The following MILR1 variants were observed in gnomAD, a reference collection of about 807,000 sequenced individuals.
MILR1 encodes mast cell immunoglobulin like receptor 1.
MILR1 carries 31 observed loss-of-function variants against 18.5 expected under a neutral mutation model. The ratio of observed to expected loss-of-function variants is 1.68; its 90% CI spans 1.26 to 2.26. The LOEUF is 2.26. Among genes scored for constraint, MILR1 ranks in the 30% most tolerant of loss-of-function variants. MILR1 has a pLI of 0.00. For missense variants in MILR1, 257 were observed against 157.4 expected (o/e 1.63, Z -3.38); for synonymous variants, 85 against 56.2 (o/e 1.51, Z -2.30).
chr17:64,488,843 C>G, the MILR1 span, among the ~76,000 whole-genome samples: 1 of 152,064 alleles, frequency 6.6e-6, no homozygotes, highest in Admixed American at 6.6e-5. Flanking sequence ...TGGCGCACAC[C>G]TATAGTCCTA....
chr17:64,492,582 T>C, the MILR1 span: 1 of 764,420 alleles, frequency 1.3e-6, no homozygotes, highest in Non-Finnish European at 2.2e-6. Context: ...TCAAATATAA[T>C]TTCTTGTATG....
chr17:64,452,092 T>TG (rs1288255827), intron 2 of MILR1, among the ~76,000 whole-genome samples: 7 of 151,154 alleles, frequency 4.6e-5, no homozygotes, highest in Non-Finnish European at 8.9e-5. Flanking sequence ...GTTTTTTTTT[T>TG]TTTTTGTTCT....
At chr17:64,493,047 T>G in the MILR1 span, 2 of 1,613,192 alleles carry the variant, frequency 1.2e-6, no homozygotes, top group Non-Finnish European at 8.5e-7. Context: ...TCAATCATTG[T>G]ATACATCTAG....
intron 8 of MILR1, 91 bp downstream of exon 8, chr17:64,466,753 A>T: frequency 9.1e-7 from 1 of 1,096,590 alleles, no homozygotes; most frequent in Non-Finnish European, 1.3e-6. Context: ...GGAGCCCGTT[A>T]ATGGGGTGGA....
At chr17:64,486,365 T>TTC in the MILR1 span, among the ~76,000 whole-genome samples, 1 of 148,222 alleles carries the variant, frequency 6.7e-6, no homozygotes, top group Non-Finnish European at 1.5e-5. Flanking sequence ...GTAACACTTT[T>TTC]TTTTTTTTTA....
the MILR1 span, chr17:64,485,485 C>T: frequency 2.0e-6 from 1 of 505,446 alleles, no homozygotes; most frequent in Non-Finnish European, 3.5e-6. Context: ...ATAGAGATAG[C>T]TGTCTGTTCA....
the MILR1 span, chr17:64,481,574 T>TA: frequency 3.6e-6 from 1 of 276,018 alleles, no homozygotes; most frequent in African/African-American, 2.3e-5. Flanking sequence ...CCAAAAGTGT[T>TA]AAGTTCAAAG....
At chr17:64,491,666 G>A in the MILR1 span, 3 of 1,299,200 alleles carry the variant, frequency 2.3e-6, no homozygotes, top group Non-Finnish European at 3.3e-6. Flanking sequence ...ACTACAACAA[G>A]TACATCAACG....
the MILR1 span, among the ~76,000 whole-genome samples, chr17:64,487,673 T>C: frequency 1.3e-5 from 2 of 151,384 alleles, no homozygotes; most frequent in African/African-American, 4.9e-5. Context: ...GTGGTGCGCT[T>C]TGAATCAAAC....
chr17:64,478,950 A>G, the MILR1 span, among the ~76,000 whole-genome samples: 1 of 152,212 alleles, frequency 6.6e-6, no homozygotes, highest in Non-Finnish European at 1.5e-5. Flanking sequence ...CAAAGTGAAT[A>G]AAACATAGTA....
the MILR1 span, among the ~76,000 whole-genome samples, chr17:64,487,973 T>C: frequency 2.3e-4 from 35 of 152,370 alleles, 1 homozygote; most frequent in South Asian, 7.2e-3. Context: ...AATTCTTTTC[T>C]ATCCTAACTG....
At chr17:64,479,204 G>GCCA in the MILR1 span, among the ~76,000 whole-genome samples, 1 of 129,512 alleles carries the variant, frequency 7.7e-6, no homozygotes, top group African/African-American at 3.0e-5. Context: ...TTTTTTTTGA[G>GCCA]AAGGAGTCTC....
the MILR1 span, among the ~76,000 whole-genome samples, chr17:64,474,888 G>A: frequency 3.9e-5 from 6 of 152,046 alleles, no homozygotes; most frequent in African/African-American, 7.2e-5. Flanking sequence ...AGACTAGTAA[G>A]GTGTGTCAAA....
rs1198467527 is a variant in MILR1 at position 64,449,356 on chromosome 17, G to A, written c.97+1G>A. The A allele has an allele frequency of 1.5e-5, 7 of 469,672 alleles. No individual in the cohort carries two copies. Among genetic ancestry groups the A allele is most frequent in the Non-Finnish European group, 2.7e-5 (7 of 256,198 alleles). 29.1% of individuals were successfully genotyped at this position (469,672 alleles called of 1,614,324 possible). ...GATTGTGAGGCAATGAAAACAAATG[G>A]TAAGTTTCATTTACTTCTTTCTTAT... is the stretch of plus-strand genomic sequence containing the variant. On this transcript the variant is annotated splice_donor_variant, in intron 2 of 9. Coordinates refer to ENST00000619286, the MANE Select transcript of MILR1 (RefSeq NM_001085423.2). LOFTEE classifies it high-confidence loss of function.
chr17:64,496,707 G>A, the MILR1 span: 19 of 1,613,926 alleles, frequency 1.2e-5, no homozygotes, highest in Non-Finnish European at 1.5e-5. Context: ...AGAGAATCCC[G>A]GCTAAGCTGC....
the MILR1 span, chr17:64,480,238 A>G: frequency 1.4e-6 from 1 of 690,006 alleles, no homozygotes; most frequent in Non-Finnish European, 2.4e-6. Flanking sequence ...TCATAAACAT[A>G]ATCAAAAACT....
chr17:64,480,080 C>T, the MILR1 span, among the ~76,000 whole-genome samples: 11 of 152,218 alleles, frequency 7.2e-5, no homozygotes, highest in African/African-American at 2.7e-4. Context: ...CTTGGAACTA[C>T]ATACAGCATG....
chr17:64,488,391 T>C, the MILR1 span, among the ~76,000 whole-genome samples: 1 of 152,100 alleles, frequency 6.6e-6, no homozygotes, highest in South Asian at 2.1e-4. Flanking sequence ...TCTTCATTAG[T>C]GAAAATGATA....
downstream of MILR1, among the ~76,000 whole-genome samples, chr17:64,470,167 C>T (rs538252042): frequency 1.4e-4 from 22 of 152,298 alleles, no homozygotes; most frequent in South Asian, 4.6e-3. Flanking sequence ...GATTTCGGCT[C>T]ACTGCAACCT....
Sources: allele counts gnomAD v4.1 joint callset (sites outside exome capture counted in the v4.1 genomes callset), GRCh38; gene constraint gnomAD v4.1.1; transcripts MANE v1.5; gene names NCBI Gene and HGNC (gene_info 2026-07-23, HGNC 2026-07-21).